Variants in IL4R observed in about 807,000 individuals in gnomAD.
IL4R encodes the protein interleukin 4 receptor, also known as interleukin-4 receptor subunit alpha.
A neutral mutation model predicts 41.5 loss-of-function variants in IL4R; 17 were observed. The observed-to-expected ratio is 0.41, with a 90% confidence interval of 0.28 to 0.61. The LOEUF (loss-of-function observed/expected upper bound fraction) is 0.61. IL4R is among the 20% of genes least tolerant of loss of function. The pLI is 0.31. For synonymous variants in IL4R, 402 were observed against 422.9 expected (o/e 0.95, Z 0.61); for missense variants, 974 against 1,043.1 (o/e 0.93, Z 0.91).
At chr16:27,330,801 G>T (rs993473476) in intron 2 of IL4R, among the ~76,000 whole-genome samples, 21 of 152,192 alleles carry the variant, frequency 1.4e-4, no homozygotes, top group Admixed American at 7.9e-4. Context: ...GAGTCACGGG[G>T]TGTGTACTCT....
intron 1 of IL4R, among the ~76,000 whole-genome samples, chr16:27,317,903 G>A (rs1352583729): frequency 1.3e-5 from 2 of 152,172 alleles, no homozygotes; most frequent in African/African-American, 2.4e-5. Context: ...TCCCTTCTGC[G>A]TATCCAGCAC....
At chr16:27,313,805 A>AGGTGG, upstream of IL4R, 1 of 588,762 alleles carries the variant, frequency 1.7e-6, no homozygotes, top group Non-Finnish European at 2.1e-6. Context: ...GGGGACAGCG[A>AGGTGG]CAGGGGCGCG....
chr16:27,362,128 C>T lies in IL4R; in HGVS notation c.900-124C>T, dbSNP rs56334406. 2.5e-4 allele frequency: 218 copies of T among 888,066 alleles called. 1 individual carries two copies. The highest frequency in any genetic ancestry group is 8.6e-4 in the Admixed American group (40 of 46,396). The allele number at this position is 888,066 out of a possible 1,614,324, so 55.0% of individuals were successfully genotyped here. ...TAGACTGATCAATTACTGATTATAA[C>T]GTTAGAAGGCATGTCTGAAGTAGAC... On this transcript the variant is annotated intron_variant, in intron 10 of 10. Transcript: ENST00000395762.
At chr16:27,320,736 A>T (rs1047292373) in intron 1 of IL4R, among the ~76,000 whole-genome samples, 2 of 152,156 alleles carry the variant, frequency 1.3e-5, no homozygotes, top group Non-Finnish European at 2.9e-5. Flanking sequence ...GCGGCCAGGG[A>T]AGTATTCTGC....
chr16:27,333,787 G>T (rs541094741), intron 2 of IL4R, among the ~76,000 whole-genome samples: 6 of 152,166 alleles, frequency 3.9e-5, no homozygotes, highest in African/African-American at 1.4e-4. Flanking sequence ...CTAGCAGCAT[G>T]TCAGAAGTGG....
At chr16:27,347,847 C>T (rs550771716) in intron 6 of IL4R, among the ~76,000 whole-genome samples, 5 of 152,358 alleles carry the variant, frequency 3.3e-5, no homozygotes, top group Admixed American at 2.0e-4. Flanking sequence ...CAAGAGCACC[C>T]GCCCACAGGG....
At chr16:27,340,595 G>A (rs953662731) in intron 3 of IL4R, among the ~76,000 whole-genome samples, 3 of 151,844 alleles carry the variant, frequency 2.0e-5, no homozygotes, top group African/African-American at 4.8e-5. Context: ...GGCAGTGCAC[G>A]CCTGTAGCCC....
intron 1 of IL4R, among the ~76,000 whole-genome samples, chr16:27,324,095 G>T (rs868071550): frequency 6.6e-6 from 1 of 152,182 alleles, no homozygotes. Flanking sequence ...GAAGGAAGAG[G>T]GGACACGTGG....
chr16:27,358,540 T>C (rs563725018), intron 8 of IL4R, among the ~76,000 whole-genome samples: 2 of 152,298 alleles, frequency 1.3e-5, no homozygotes, highest in East Asian at 1.9e-4. Flanking sequence ...AAGGGATTGT[T>C]GAGGGGAACC....
chr16:27,357,895 T>G (rs1051959465), intron 8 of IL4R, among the ~76,000 whole-genome samples: 6 of 151,394 alleles, frequency 4.0e-5, no homozygotes, highest in East Asian at 3.9e-4. Flanking sequence ...TTCTTTCGTT[T>G]TTTTTTTTTT....
chr16:27,318,278 A>G (rs2084705222), intron 1 of IL4R, among the ~76,000 whole-genome samples: 1 of 152,160 alleles, frequency 6.6e-6, no homozygotes, highest in Non-Finnish European at 1.5e-5. Context: ...TGACCTTTCT[A>G]CAGCCTGAGT....
intron 8 of IL4R, 34 bp from the exon 9 acceptor site, chr16:27,358,882 T>G (rs1426096532): frequency 6.5e-7 from 1 of 1,531,280 alleles, no homozygotes; most frequent in African/African-American, 1.4e-5. Context: ...TGTCAATAAT[T>G]CAGAGATCAA....
rs776245551 is a variant in IL4R at position 27,316,146 on chromosome 16, C to T, written c.-152+2126C>T. 4.6e-5 allele frequency among the ~76,000 whole-genome samples: 7 copies of T among 152,096 alleles called. 1 individual carries two copies. Among genetic ancestry groups the T allele is most frequent in the South Asian group, 2.1e-4 (1 of 4,828 alleles). On this transcript the variant is annotated intron_variant, in intron 1 of 10. Transcript: ENST00000395762. Reference sequence around the variant, plus strand: ...GCACTTTGGGAGGCTGAGAGAGGATCGCTTGAACCCAGGAGTTTGAGACCA... The same window carrying T: ...GCACTTTGGGAGGCTGAGAGAGGATTGCTTGAACCCAGGAGTTTGAGACCA...
At chr16:27,313,899 G>C (rs2084542130), upstream of IL4R, 1 of 984,252 alleles carries the variant, frequency 1.0e-6, no homozygotes, top group Non-Finnish European at 1.2e-6. Context: ...GCAGGAAGCC[G>C]GGGCGGGCTG....
At position 27,355,866 on chromosome 16, in the gene IL4R, C is replaced by A; in HGVS notation, c.729C>A (p.Val243=). The A allele has an allele frequency of 6.2e-7, 1 of 1,613,690 alleles. No homozygotes were observed. Among genetic ancestry groups the A allele is most frequent in the Non-Finnish European group, 8.5e-7 (1 of 1,179,904 alleles). Residue 243 remains valine (V), a synonymous_variant, in exon 8 of 11, where the codon GTC becomes GTA. Transcript: ENST00000395762. Reference sequence around the variant, plus strand: ...TGGGCGTCAGCGTTTCCTGCATTGTCATCCTGGCCGTCTGCCTGTTGTGCT... The same window carrying A: ...TGGGCGTCAGCGTTTCCTGCATTGTAATCCTGGCCGTCTGCCTGTTGTGCT... The part of the protein sequence containing the change: ...LLLGVSVSCI[V]ILAVCLLCYV...
rs2086408921 is a variant in IL4R at position 27,363,930 on chromosome 16, C to A, written c.*100C>A. 2 of 1,377,186 alleles carry A rather than the reference C, an allele frequency of 1.5e-6. No individual in the cohort carries two copies. The highest frequency in any genetic ancestry group is 2.0e-6 in the Non-Finnish European group (2 of 1,017,322). The allele number at this position is 1,377,186 out of a possible 1,614,324, so 85.3% of individuals were successfully genotyped here. On this transcript the variant is annotated 3_prime_UTR_variant, in exon 11 of 11. Transcript: ENST00000395762. ...GAAGGCAGCCAGGCTGGCAGATTTC[C>A]AAAAGACTTGAAGAACCATGGTATG... is the stretch of plus-strand genomic sequence containing the variant.
intron 1 of IL4R, among the ~76,000 whole-genome samples, chr16:27,328,225 ATT>A (rs2085017410): frequency 6.8e-6 from 1 of 146,916 alleles, no homozygotes; most frequent in African/African-American, 2.5e-5. Context: ...AAAAAAAAAG[ATT>A]GTTGAATTTA....
chr16:27,319,754 C>T (rs770759095), intron 1 of IL4R, among the ~76,000 whole-genome samples: 2 of 152,172 alleles, frequency 1.3e-5, no homozygotes, highest in Non-Finnish European at 2.9e-5. Flanking sequence ...TGCTCCCCAT[C>T]GCTCGCATTA....
Sources: gnomAD v4.1 joint callset for allele counts (sites outside exome capture counted in the v4.1 genomes callset) on GRCh38, gnomAD v4.1.1 for gene constraint, MANE v1.5 for transcripts, NCBI Gene and HGNC (gene_info 2026-07-23, HGNC 2026-07-21) for gene names.